The following UBE2N variants were observed in gnomAD, a reference collection of about 807,000 sequenced individuals.
The protein encoded by UBE2N is ubiquitin-conjugating enzyme E2 N.
For missense variants in UBE2N, 60 were observed against 192.1 expected, an observed-to-expected ratio of 0.31 and a Z score of 4.07; for synonymous variants, 70 against 69.2, an observed-to-expected ratio of 1.01 and a Z score of -0.06.
At position 93,406,767 on chromosome 12, in the gene UBE2N, ACAT is replaced by A. The variant is rs943807389; in HGVS notation, c.*3269_*3271del. 6.6e-6 allele frequency: 1 copy of A among 152,004 alleles called. No individual in the cohort carries two copies. The highest frequency in any genetic ancestry group is 1.5e-5 in the Non-Finnish European group (1 of 67,988). The allele number at this position is 152,004 out of a possible 1,614,324, so 9.4% of individuals were successfully genotyped here. A position where few individuals can be genotyped will look rare whatever the true frequency, so the allele number is the denominator to read the frequency against. On this transcript the variant is annotated 3_prime_UTR_variant, in exon 4 of 4. Transcript: ENST00000318066. Reference sequence around the variant, plus strand: ...TTTGTGTAGATTGTATGCATATACAACATCATTTTATTCCAGAGACTTGAGCAT... The same window carrying A: ...TTTGTGTAGATTGTATGCATATACAACATTTTATTCCAGAGACTTGAGCAT...
intron 1 of UBE2N, among the ~76,000 whole-genome samples, chr12:93,412,643 C>T (rs1301675156): frequency 2.6e-5 from 4 of 152,186 alleles, no homozygotes; most frequent in Admixed American, 1.3e-4. Context: ...CTGCTGTGTC[C>T]GGTTTCCACT....
At chr12:93,426,870 A>AT (rs796688644) in intron 1 of UBE2N, among the ~76,000 whole-genome samples, 1,486 of 145,324 alleles carry the variant, frequency 0.01, 19 homozygotes, top group African/African-American at 0.032. Flanking sequence ...GCATCAGCAG[A>AT]TTTTTTTTTT....
At position 93,405,913 on chromosome 12, in the gene UBE2N, G is replaced by C; in HGVS notation, c.*4126C>G. ...ATAAATTAGGTACCCTATTATCATG[G>C]TATTTTCTTTTTTGGCCAGCTTTTC... On this transcript the variant is annotated 3_prime_UTR_variant, in exon 4 of 4. Transcript: ENST00000318066. 6.6e-6 allele frequency: 1 copy of C among 152,128 alleles called. No individual in the cohort carries two copies. The highest frequency in any genetic ancestry group is 2.4e-5 in the African/African-American group (1 of 41,504). The allele number at this position is 152,128 out of a possible 1,614,324, so 9.4% of individuals were successfully genotyped here.
In UBE2N at chr12:93,406,660, A is replaced by T. The variant is rs1036198693; in HGVS notation, c.*3379T>A. 1 of 152,254 alleles carries T rather than the reference A, an allele frequency of 6.6e-6. No individual in the cohort carries two copies. Among genetic ancestry groups the T allele is most frequent in the African/African-American group, 2.4e-5 (1 of 41,466 alleles). 9.4% of individuals were successfully genotyped at this position (152,254 alleles called of 1,614,324 possible). Reference sequence around the variant, plus strand: ...ATGTATATTTTTGTCATTATTCCTTAAACAATAGTGTAACTATTTACATAG... The same window carrying T: ...ATGTATATTTTTGTCATTATTCCTTTAACAATAGTGTAACTATTTACATAG... On this transcript the variant is annotated 3_prime_UTR_variant, in exon 4 of 4. Transcript: ENST00000318066.
chr12:93,441,275 G>A (rs991410055), intron 1 of UBE2N: 1 of 152,370 alleles, frequency 6.6e-6, no homozygotes, highest in Admixed American at 6.5e-5. Flanking sequence ...CCAGGGGCGA[G>A]CATGTGCTGA....
chr12:93,434,017 C>T (rs772906632), intron 1 of UBE2N, among the ~76,000 whole-genome samples: 4 of 152,128 alleles, frequency 2.6e-5, no homozygotes, highest in Non-Finnish European at 5.9e-5. Context: ...ATGTGTAAAA[C>T]TCTGGTGGCT....
At chr12:93,422,505 AC>A (rs1429509094) in intron 1 of UBE2N, among the ~76,000 whole-genome samples, 1 of 152,044 alleles carries the variant, frequency 6.6e-6, no homozygotes, top group African/African-American at 2.4e-5. Flanking sequence ...CTATTAACAA[AC>A]CTATTGCATA....
At chr12:93,416,541 G>A (rs954541461) in intron 1 of UBE2N, among the ~76,000 whole-genome samples, 3 of 151,350 alleles carry the variant, frequency 2.0e-5, no homozygotes, top group Non-Finnish European at 2.9e-5. Context: ...TCTGCCTCCT[G>A]GGTCCAAGTG....
intron 1 of UBE2N, among the ~76,000 whole-genome samples, chr12:93,422,022 T>C (rs1878427923): frequency 6.6e-6 from 1 of 152,228 alleles, no homozygotes; most frequent in Non-Finnish European, 1.5e-5. Context: ...AGGGCTATTA[T>C]GTTCTTGTTT....
rs1379059531 is a variant in UBE2N at position 93,410,893 on chromosome 12, C to T, written c.278-19G>A. The T allele has an allele frequency of 1.9e-6, 3 of 1,614,044 alleles. No homozygotes were observed. The highest frequency in any genetic ancestry group is 2.2e-5 in the South Asian group (2 of 91,084). On this transcript the variant is annotated intron_variant, in intron 2 of 3. Coordinates refer to ENST00000318066, the MANE Select transcript of UBE2N (RefSeq NM_003348.4). ...CACTTATCTATGAAGGCAACAGGCC[C>T]AGTATGATAAAGCATGAAAAAAACA... is the stretch of plus-strand genomic sequence containing the variant.
At chr12:93,420,779 T>C (rs547558173) in intron 1 of UBE2N, among the ~76,000 whole-genome samples, 24 of 152,216 alleles carry the variant, frequency 1.6e-4, no homozygotes, top group African/African-American at 2.6e-4. Context: ...TACTAACAAA[T>C]TGTCCCACCA....
At chr12:93,420,654 G>A (rs1442233226) in intron 1 of UBE2N, among the ~76,000 whole-genome samples, 1 of 152,146 alleles carries the variant, frequency 6.6e-6, no homozygotes, top group East Asian at 1.9e-4. Flanking sequence ...GTACCACCCA[G>A]AGCTGATGAG....
At chr12:93,410,203 C>T (rs1488243493) in intron 3 of UBE2N, 124 bp from the exon 4 acceptor site, 26 of 924,962 alleles carry the variant, frequency 2.8e-5, no homozygotes, top group East Asian at 2.0e-4. Context: ...GTTAAATTCA[C>T]GCCTTTTTCT....
rs759564717 is a variant in UBE2N, at chr12:93,410,700, G to C, written c.418+34C>G. The stretch of plus-strand genomic sequence containing the variant: ...AGTGGTAATACAAATTTGTAAAAGT[G>C]GAAGTGGTGTGAAGGAGAATGAATA... On this transcript the variant is annotated intron_variant, in intron 3 of 3. Coordinates refer to ENST00000318066, the MANE Select transcript of UBE2N (RefSeq NM_003348.4). 6 of 1,610,266 alleles carry C rather than the reference G, an allele frequency of 3.7e-6. No homozygotes were observed. In the Admixed American group the frequency reaches 8.4e-5, roughly 23 times the overall value.
chr12:93,412,751 G>A (rs1391382882), intron 1 of UBE2N, among the ~76,000 whole-genome samples: 2 of 152,208 alleles, frequency 1.3e-5, no homozygotes, highest in East Asian at 3.8e-4. Flanking sequence ...AAGGAAGGAG[G>A]AAGTAACTTG....
chr12:93,426,410 C>T (rs1433273125), intron 1 of UBE2N, among the ~76,000 whole-genome samples: 1 of 136,390 alleles, frequency 7.3e-6, no homozygotes, highest in Non-Finnish European at 1.5e-5. Context: ...AAAAAAAAAG[C>T]TACAAAGTCA....
chr12:93,416,520 T>C (rs1372952399), intron 1 of UBE2N, among the ~76,000 whole-genome samples: 2 of 151,702 alleles, frequency 1.3e-5, no homozygotes, highest in African/African-American at 4.8e-5. Flanking sequence ...CGATCTTGGC[T>C]CACTGCAACC....
intron 1 of UBE2N, among the ~76,000 whole-genome samples, chr12:93,434,709 G>A (rs1414828174): frequency 2.6e-5 from 4 of 152,090 alleles, no homozygotes; most frequent in Non-Finnish European, 5.9e-5. Context: ...ATCCCCAGAA[G>A]TCATACGTTA....
intron 1 of UBE2N, among the ~76,000 whole-genome samples, chr12:93,413,744 ACAC>A (rs1430466290): frequency 6.6e-6 from 1 of 152,110 alleles, no homozygotes; most frequent in African/African-American, 2.4e-5. Context: ...TTCCACTGCT[ACAC>A]CTCTGATCCA....
Sources: gnomAD v4.1 joint callset for allele counts (sites outside exome capture counted in the v4.1 genomes callset) on GRCh38, gnomAD v4.1.1 for gene constraint, MANE v1.5 for transcripts, NCBI Gene and HGNC (gene_info 2026-07-23, HGNC 2026-07-21) for gene names.